The following IWS1 variants were observed in gnomAD, a reference collection of about 807,000 sequenced individuals.
IWS1 encodes the protein protein IWS1 homolog.
Under a neutral mutation model 86.7 loss-of-function variants are expected in IWS1, and 27 were observed. The observed-to-expected ratio is 0.31, with a 90% confidence interval of 0.23 to 0.43. The LOEUF (loss-of-function observed/expected upper bound fraction) is 0.43. Ranked by LOEUF, IWS1 falls within the 20% of genes least tolerant of loss-of-function variation. IWS1 has a pLI of 1.00. For synonymous variants in IWS1, 313 were observed against 335.1 expected (o/e 0.93, Z 0.72); for missense variants, 827 against 1,000.8 (o/e 0.83, Z 2.34).
chr2:127,494,859 A>C lies in IWS1; in HGVS notation c.1799+13T>G. The C allele has an allele frequency of 6.7e-7, 1 of 1,495,898 alleles. No homozygotes were observed. Among genetic ancestry groups the C allele is most frequent in the Non-Finnish European group, 9.1e-7 (1 of 1,098,022 alleles). The allele number at this position is 1,495,898 out of a possible 1,614,324, so 92.7% of individuals were successfully genotyped here. ...AAAGGAAAAAGACATTTTAAAGAAA[A>C]CAAAATACTTACTTCTTAAGGTGCA... On this transcript the variant is annotated intron_variant, in intron 8 of 13. Transcript: ENST00000295321.
In IWS1 at chr2:127,510,843, G is replaced by A. The variant is rs145438406; in HGVS notation, c.151-5091C>T. ...ACCATCAACCCTATGTGTTACACCAGCAGTTCCCAAACTTCAGTATGCTTA... is the reference window on the plus strand; with the variant it reads ...ACCATCAACCCTATGTGTTACACCAACAGTTCCCAAACTTCAGTATGCTTA... On this transcript the variant is annotated intron_variant, in intron 2 of 13. Transcript: ENST00000295321. 7.9e-5 allele frequency among the ~76,000 whole-genome samples: 12 copies of A among 152,272 alleles called. No homozygotes were observed. The East Asian group carries it at 2.3e-3, about 29-fold the overall frequency.
chr2:127,526,042 T>C, intron 1 of IWS1, 133 bp downstream of exon 1: 1 of 791,340 alleles, frequency 1.3e-6, no homozygotes, highest in Non-Finnish European at 2.0e-6. Context: ...AGAGGGCTCT[T>C]GCCCTCCTCG....
rs116718793 is a variant in IWS1 at position 127,482,038 on chromosome 2, A to G, written c.2329-863T>C. Among the ~76,000 whole-genome samples the G allele has an allele frequency of 5.8e-3, 886 of 152,340 alleles. 9 individuals are homozygous for G. Among genetic ancestry groups the G allele is most frequent in the African/African-American group, 0.02 (818 of 41,574 alleles). On this transcript the variant is annotated intron_variant, in intron 13 of 13. Coordinates refer to ENST00000295321, the MANE Select transcript of IWS1 (RefSeq NM_017969.3). ...GGTCTCCAAGAAACTGCCATCTTTT[A>G]GAAATGCTAGAAAGGTTTGCTGACT...
upstream of IWS1, among the ~76,000 whole-genome samples, chr2:127,527,092 C>T (rs1374625024): frequency 6.6e-6 from 1 of 152,196 alleles, no homozygotes; most frequent in Non-Finnish European, 1.5e-5. Flanking sequence ...TTTACCTGAG[C>T]CCTGTGTTCC....
At chr2:127,523,652 C>T (rs775840608) in intron 2 of IWS1, 24 bp downstream of exon 2, 1 of 1,490,562 alleles carries the variant, frequency 6.7e-7, no homozygotes, top group East Asian at 2.3e-5. Flanking sequence ...AAAAGCCCTC[C>T]CAAAGATGTT....
chr2:127,521,585 G>C (rs1335545997), intron 2 of IWS1, among the ~76,000 whole-genome samples: 4 of 152,108 alleles, frequency 2.6e-5, no homozygotes, highest in African/African-American at 9.7e-5. Context: ...CACTTACAGA[G>C]GTAAGACCTA....
intron 13 of IWS1, among the ~76,000 whole-genome samples, chr2:127,483,892 C>T (rs1324518593): frequency 6.6e-6 from 1 of 152,058 alleles, no homozygotes; most frequent in African/African-American, 2.4e-5. Context: ...AAAAAGACAA[C>T]AAATACATCA....
intron 2 of IWS1, among the ~76,000 whole-genome samples, chr2:127,521,189 T>G (rs549276007): frequency 6.6e-6 from 1 of 152,238 alleles, no homozygotes; most frequent in East Asian, 1.9e-4. Context: ...GAGGCGGAGG[T>G]TGCAGTGAGC....
intron 1 of IWS1, among the ~76,000 whole-genome samples, chr2:127,525,081 G>C (rs1047243748): frequency 1.5e-5 from 2 of 134,320 alleles, no homozygotes; most frequent in African/African-American, 5.4e-5. Context: ...TTTTTTTGTA[G>C]AGACGAAGTA....
chr2:127,491,331 G>A (rs1158462174), intron 10 of IWS1, among the ~76,000 whole-genome samples: 4 of 152,210 alleles, frequency 2.6e-5, no homozygotes, highest in African/African-American at 9.7e-5. Context: ...CAGTAAGGTA[G>A]GTGGTGGATT....
Position 127,518,681 on chromosome 2 carries a change from T to C in IWS1, c.150+4995A>G, listed in dbSNP as rs141734227. On this transcript the variant is annotated intron_variant, in intron 2 of 13. Transcript: ENST00000295321. ...CCCAGGTACAAGTGATTCTCCGGCC[T>C]CAGCCTCCCGAGTAGCTGGGATTAT... Among the ~76,000 whole-genome samples the C allele has an allele frequency of 4.8e-3, 726 of 150,240 alleles. 5 individuals are homozygous for C. The highest frequency in any genetic ancestry group is 0.017 in the African/African-American group (686 of 40,756).
intron 9 of IWS1, among the ~76,000 whole-genome samples, chr2:127,492,497 G>A (rs947744214): frequency 7.9e-5 from 12 of 152,072 alleles, no homozygotes; most frequent in African/African-American, 2.9e-4. Context: ...AGTGAGCCGA[G>A]GTGGTGCCAC....
chr2:127,526,243 C>T lies in IWS1; in HGVS notation c.-35G>A. 6.4e-7 allele frequency: 1 copy of T among 1,551,746 alleles called. No homozygotes were observed. Among genetic ancestry groups the T allele is most frequent in the Non-Finnish European group, 8.7e-7 (1 of 1,149,104 alleles). On this transcript the variant is annotated 5_prime_UTR_variant, in exon 1 of 14. Coordinates refer to ENST00000295321, the MANE Select transcript of IWS1 (RefSeq NM_017969.3). ...ACTCTCAGCGGGGAGTGTCCGCGCC[C>T]CGCGCCGCCCCCGTCACCTCCTTCC... is the stretch of plus-strand genomic sequence containing the variant.
Position 127,489,206 on chromosome 2 carries a change from A to G in IWS1, c.2189T>C (p.Leu730Pro). The stretch of plus-strand genomic sequence containing the variant: ...CTCCTCTCCTGTCAGCACCTTTTCC[A>G]GGTCTCTTCTGGGTGTCTGACCACC... ...STGGQTPRRDLEKVLTGEEKA... is the reference protein window; with the variant it reads ...STGGQTPRRDPEKVLTGEEKA... Residue 730 changes from leucine (L) to proline (P), a missense_variant, in exon 12 of 14, where the codon CTG (leucine) becomes CCG (proline). Around this residue, in one of 2 missense-constraint regions of IWS1, gnomAD observed 279 missense variants for 440.6 expected, o/e 0.63. Transcript: ENST00000295321. This position sits in a 1 kb window ranked among gnomAD's most constrained non-coding sequence, Gnocchi z 4.8. 2 of 1,613,326 alleles carry G rather than the reference A, an allele frequency of 1.2e-6. No homozygotes were observed. The highest frequency in any genetic ancestry group is 1.7e-6 in the Non-Finnish European group (2 of 1,179,396).
intron 8 of IWS1, chr2:127,494,432 G>T (rs1690406549): frequency 6.5e-6 from 1 of 152,746 alleles, no homozygotes; most frequent in Non-Finnish European, 1.5e-5. Context: ...GGAGAAAACA[G>T]ATGCAATTTT....
At chr2:127,484,032 G>C (rs1689797997) in intron 13 of IWS1, among the ~76,000 whole-genome samples, 1 of 152,198 alleles carries the variant, frequency 6.6e-6, no homozygotes, top group Non-Finnish European at 1.5e-5. Context: ...AGCCGGGCAT[G>C]GTGGCTCACA....
rs762302819 is a variant in IWS1 at position 127,486,571 on chromosome 2, C to T, written c.2310G>A (p.Val770=). 6.2e-7 allele frequency: 1 copy of T among 1,613,714 alleles called. No homozygotes were observed. The highest frequency in any genetic ancestry group is 8.5e-7 in the Non-Finnish European group (1 of 1,179,736). The change falls in exon 13 of 14, where the codon GTG becomes GTA. Residue 770 remains valine (V), a synonymous_variant. Coordinates refer to ENST00000295321, the MANE Select transcript of IWS1 (RefSeq NM_017969.3). ...KDYVVRPKWN[V]EMESSRFQAT... ...TGCTTACCCTGGATGACTCCATTTC[C>T]ACATTCCATTTGGGCCTGACAACAT...
intron 2 of IWS1, among the ~76,000 whole-genome samples, chr2:127,517,124 C>T (rs994559079): frequency 6.6e-6 from 1 of 152,180 alleles, no homozygotes; most frequent in South Asian, 2.1e-4. Flanking sequence ...AAATAGACAT[C>T]CCGTGTTCTT....
intron 3 of IWS1, 67 bp downstream of exon 3, chr2:127,504,617 T>C (rs1403899573): frequency 3.6e-6 from 4 of 1,106,248 alleles, no homozygotes; most frequent in South Asian, 1.5e-5. Flanking sequence ...GAGGATACAA[T>C]GTTCCACAGT....
Sources: gnomAD v4.1 joint callset for allele counts (sites outside exome capture counted in the v4.1 genomes callset) on GRCh38, gnomAD v4.1.1 for gene constraint, gnomAD v4.1.1 regional missense constraint, Gnocchi (gnomAD v3.1) non-coding constraint, MANE v1.5 for transcripts, NCBI Gene and HGNC (gene_info 2026-07-23, HGNC 2026-07-21) for gene names.